The following POM121C variants were observed in gnomAD, a reference collection of about 807,000 sequenced individuals.
POM121C encodes the protein POM121 transmembrane nucleoporin C.
A neutral mutation model predicts 66.4 loss-of-function variants in POM121C; 20 were observed. The ratio of observed to expected loss-of-function variants is 0.30; its 90% CI spans 0.21 to 0.44. The LOEUF (loss-of-function observed/expected upper bound fraction) is 0.44, where lower values mean the gene tolerates loss of function less well. POM121C is among the 20% of genes least tolerant of loss of function. The probability of loss-of-function intolerance (pLI) is 1.00; values close to 1 mark genes in which losing one functional copy is unlikely to be tolerated. For synonymous variants in POM121C, 286 were observed against 528.0 expected (o/e 0.54, Z 6.28); for missense variants, 580 against 1,225.7 (o/e 0.47, Z 7.87).
chr7:75,428,546 C>G (rs2116355462), intron 7 of POM121C, among the ~76,000 whole-genome samples: 1 of 152,118 alleles, frequency 6.6e-6, no homozygotes, highest in Admixed American at 6.5e-5. Flanking sequence ...CCAGGAGTTT[C>G]AGACCAGCCT....
chr7:75,462,552 C>G (rs1791478767), intron 3 of POM121C, among the ~76,000 whole-genome samples: 1 of 152,094 alleles, frequency 6.6e-6, no homozygotes, highest in Non-Finnish European at 1.5e-5. Flanking sequence ...GATGGCAGCC[C>G]ACATTCCCAG....
intron 3 of POM121C, among the ~76,000 whole-genome samples, chr7:75,463,887 TCAC>T (rs1791532841): frequency 6.6e-6 from 1 of 151,664 alleles, no homozygotes; most frequent in Admixed American, 6.6e-5. Flanking sequence ...AGATGGGATT[TCAC>T]CATGTTGGCC....
chr7:75,472,129 G>A (rs1187552596), intron 3 of POM121C, among the ~76,000 whole-genome samples: 22 of 151,680 alleles, frequency 1.5e-4, no homozygotes, highest in Non-Finnish European at 2.6e-4. Flanking sequence ...CTCGTGATCC[G>A]CCCACCTCGG....
At chr7:75,458,256 G>A (rs1288198527) in intron 3 of POM121C, among the ~76,000 whole-genome samples, 3 of 151,980 alleles carry the variant, frequency 2.0e-5, no homozygotes, top group African/African-American at 4.8e-5. Flanking sequence ...AGGGCTGGGT[G>A]CGGTGGCTCA....
At position 75,424,673 on chromosome 7, in the gene POM121C, G is replaced by A. The variant is rs782543637; in HGVS notation, c.769-45C>T. 2.2e-5 allele frequency: 36 copies of A among 1,609,410 alleles called. 2 individuals are homozygous for A. In the South Asian group the frequency reaches 3.7e-4, roughly 17 times the overall value. ...GAAGTCAGGCCAATCAGAAAAAACG[G>A]GAAGGCTGGGCGTGGTGGCTAACGC... On this transcript the variant is annotated intron_variant, in intron 10 of 14. Transcript: ENST00000615331.
intron 1 of POM121C, among the ~76,000 whole-genome samples, chr7:75,476,165 C>T (rs1199502956): frequency 4.6e-5 from 7 of 152,152 alleles, no homozygotes; most frequent in Admixed American, 6.5e-5. Flanking sequence ...ATGGCACATG[C>T]CTGTAGTTCC....
chr7:75,466,316 T>C (rs1291491626), intron 3 of POM121C, among the ~76,000 whole-genome samples: 2 of 150,002 alleles, frequency 1.3e-5, no homozygotes, highest in African/African-American at 4.9e-5. Flanking sequence ...AGAATTAATA[T>C]AAGAGCAGGC....
At chr7:75,424,291 A>G in intron 11 of POM121C, 66 bp from the exon 12 acceptor site, 1 of 1,570,330 alleles carries the variant, frequency 6.4e-7, no homozygotes, top group Non-Finnish European at 8.7e-7. Context: ...TGCCTGTCGG[A>G]GAGCAGGCTC....
In POM121C at chr7:75,437,161, C is replaced by T. The variant is rs1334582262; in HGVS notation, c.480+354G>A. ...TGTCTCGAATCAGCTCGCACACATG[C>T]ACTGCTTTACATTCCGGGCTTTCTA... On this transcript the variant is annotated intron_variant, in intron 7 of 14. Transcript: ENST00000615331. 5.3e-5 allele frequency among the ~76,000 whole-genome samples: 8 copies of T among 152,224 alleles called. No homozygotes were observed. In the South Asian group the frequency reaches 6.2e-4, roughly 12 times the overall value.
chr7:75,436,979 A>G (rs1790442815), intron 7 of POM121C, among the ~76,000 whole-genome samples: 1 of 152,198 alleles, frequency 6.6e-6, no homozygotes, highest in Admixed American at 6.5e-5. Flanking sequence ...TGTTCCTTAT[A>G]CTATGCAATA....
chr7:75,430,963 C>A (rs1790148980), intron 7 of POM121C, among the ~76,000 whole-genome samples: 2 of 150,670 alleles, frequency 1.3e-5, no homozygotes, highest in South Asian at 4.2e-4. Flanking sequence ...GCAGTCCCAG[C>A]TACTCGGGAG....
At chr7:75,462,805 T>C (rs587769638) in intron 3 of POM121C, among the ~76,000 whole-genome samples, 2 of 152,004 alleles carry the variant, frequency 1.3e-5, no homozygotes, top group South Asian at 2.1e-4. Context: ...AGGCAAACTA[T>C]AGGTGTGCTG....
At chr7:75,479,119 C>G (rs1584719759) in intron 1 of POM121C, among the ~76,000 whole-genome samples, 1 of 151,874 alleles carries the variant, frequency 6.6e-6, no homozygotes, top group Non-Finnish European at 1.5e-5. Context: ...GGAGAAAAAT[C>G]CAGCAAAAAC....
chr7:75,424,946 G>C (rs1256321660), intron 10 of POM121C, 128 bp downstream of exon 10: 2 of 1,495,454 alleles, frequency 1.3e-6, no homozygotes, highest in African/African-American at 2.8e-5. Context: ...GGTGACAGAG[G>C]GATGTTGTCT....
rs1563133973 is a variant in POM121C at position 75,416,955 on chromosome 7, C to G, written c.*1841G>C. 56 of 1,389,396 alleles carry G rather than the reference C, an allele frequency of 4.0e-5. No individual in the cohort carries two copies. The highest frequency in any genetic ancestry group is 5.1e-5 in the Non-Finnish European group (55 of 1,073,182). 86.1% of individuals were successfully genotyped at this position (1,389,396 alleles called of 1,614,324 possible). A position where few individuals can be genotyped will look rare whatever the true frequency, so the allele number is the denominator to read the frequency against. Reference sequence around the variant, plus strand: ...TGTACTGTACACATCCACACTCACTCTCACTCAGGGTTCCCGGACCGGCTG... The same window carrying G: ...TGTACTGTACACATCCACACTCACTGTCACTCAGGGTTCCCGGACCGGCTG... On this transcript the variant is annotated 3_prime_UTR_variant, in exon 15 of 15. Coordinates refer to ENST00000615331, the MANE Select transcript of POM121C (RefSeq NM_001099415.3).
At chr7:75,484,717 T>C (rs587600196) in intron 1 of POM121C, among the ~76,000 whole-genome samples, 2 of 149,134 alleles carry the variant, frequency 1.3e-5, no homozygotes, top group East Asian at 3.9e-4. Context: ...CCTGTAACTC[T>C]AAGATAATCA....
rs1789484686 is a variant in POM121C, at chr7:75,416,877, T to C, written c.*1919A>G. On this transcript the variant is annotated 3_prime_UTR_variant, in exon 15 of 15. Transcript: ENST00000615331. ...AAATTCCAACTAGACTCAACAGGAA[T>C]GAAGTCTCTATTTGTAATGGAAAGT... 3.5e-6 allele frequency: 5 copies of C among 1,440,406 alleles called. No individual in the cohort carries two copies. Among genetic ancestry groups the C allele is most frequent in the Non-Finnish European group, 2.7e-6 (3 of 1,101,236 alleles). 89.2% of individuals were successfully genotyped at this position (1,440,406 alleles called of 1,614,324 possible). A position where few individuals can be genotyped will look rare whatever the true frequency, so the allele number is the denominator to read the frequency against.
At chr7:75,452,551 A>C (rs1791056134) in intron 3 of POM121C, among the ~76,000 whole-genome samples, 1 of 152,196 alleles carries the variant, frequency 6.6e-6, no homozygotes, top group Non-Finnish European at 1.5e-5. Context: ...GGCACTGATG[A>C]CGTATTCATG....
chr7:75,430,205 G>T (rs1790111666), intron 7 of POM121C, among the ~76,000 whole-genome samples: 1 of 152,062 alleles, frequency 6.6e-6, no homozygotes, highest in Non-Finnish European at 1.5e-5. Context: ...AAAAGGCCAA[G>T]AAACAAGACA....
Sources: allele counts gnomAD v4.1 joint callset (sites outside exome capture counted in the v4.1 genomes callset), GRCh38; gene constraint gnomAD v4.1.1; transcripts MANE v1.5; gene names NCBI Gene and HGNC (gene_info 2026-07-23, HGNC 2026-07-21).